HIVEP2: variants seen among roughly 807,000 people sequenced by gnomAD.
HIVEP2 encodes transcription factor HIVEP2.
HIVEP2 carries 14 observed loss-of-function variants against 180.7 expected under a neutral mutation model. The ratio of observed to expected loss-of-function variants is 0.08; its 90% CI spans 0.05 to 0.12. HIVEP2 has a LOEUF of 0.12. HIVEP2 is among the 10% of genes least tolerant of loss of function. The pLI, the probability that HIVEP2 is intolerant of heterozygous loss-of-function variation, is 1.00. For synonymous variants in HIVEP2, 1,184 were observed against 1,136.4 expected (o/e 1.04, Z -0.84); for missense variants, 2,579 against 3,008.5 (o/e 0.86, Z 3.34).
At chr6:142,863,722 C>T (rs1776063544) in intron 1 of HIVEP2, among the ~76,000 whole-genome samples, 1 of 152,170 alleles carries the variant, frequency 6.6e-6, no homozygotes, top group African/African-American at 2.4e-5. Flanking sequence ...ATTCATCTAA[C>T]TACGCTTTTG....
chr6:142,883,151 A>T (rs1237573104), intron 1 of HIVEP2, among the ~76,000 whole-genome samples: 1 of 152,052 alleles, frequency 6.6e-6, no homozygotes, highest in East Asian at 1.9e-4. Context: ...ACACCTTTGG[A>T]ATTTCACAGT....
chr6:142,855,338 A>G (rs574942641), intron 1 of HIVEP2, among the ~76,000 whole-genome samples: 250 of 152,362 alleles, frequency 1.6e-3, no homozygotes, highest in African/African-American at 5.8e-3. Context: ...GTGTGTGCAC[A>G]GCAGGGAAAG....
At chr6:142,886,749 C>G (rs1776707484) in intron 1 of HIVEP2, among the ~76,000 whole-genome samples, 1 of 152,172 alleles carries the variant, frequency 6.6e-6, no homozygotes. Flanking sequence ...ATCTTGCCCA[C>G]ACAAATGGCA....
chr6:142,759,653 C>T, intron 9 of HIVEP2, 119 bp downstream of exon 9: 1 of 790,748 alleles, frequency 1.3e-6, no homozygotes, highest in Non-Finnish European at 2.1e-6. Context: ...TTTTCATTAG[C>T]CAGATTCACT....
intron 1 of HIVEP2, among the ~76,000 whole-genome samples, chr6:142,917,563 CTAACT>C (rs1010125936): frequency 1.3e-5 from 2 of 152,232 alleles, no homozygotes; most frequent in African/African-American, 4.8e-5. Context: ...TTAGTATTTC[CTAACT>C]TATTTCATTA....
chr6:142,819,617 T>A (rs574320756), intron 2 of HIVEP2, among the ~76,000 whole-genome samples: 1 of 152,302 alleles, frequency 6.6e-6, no homozygotes, highest in Admixed American at 6.5e-5. Flanking sequence ...ATTCAGGATG[T>A]TAACAGTGAA....
intron 1 of HIVEP2, among the ~76,000 whole-genome samples, chr6:142,917,219 G>C (rs1386137333): frequency 1.3e-5 from 2 of 152,068 alleles, no homozygotes; most frequent in Non-Finnish European, 2.9e-5. Flanking sequence ...ATGTACTGTT[G>C]GTTTTATCAC....
intron 2 of HIVEP2, among the ~76,000 whole-genome samples, chr6:142,793,673 TTCTC>T (rs71546219): frequency 1.6e-4 from 17 of 107,504 alleles, no homozygotes; most frequent in South Asian, 6.0e-4. Flanking sequence ...CTTTCTTTCT[TTCTC>T]TCTCTCTCTC....
chr6:142,769,161 C>A (rs1389825210), intron 5 of HIVEP2, among the ~76,000 whole-genome samples: 1 of 152,184 alleles, frequency 6.6e-6, no homozygotes, highest in African/African-American at 2.4e-5. Context: ...CTTTCAGCCT[C>A]CATTCCCTGC....
At chr6:142,818,949 G>A (rs1554214069) in intron 2 of HIVEP2, among the ~76,000 whole-genome samples, 1 of 139,028 alleles carries the variant, frequency 7.2e-6, no homozygotes, top group Non-Finnish European at 1.5e-5. Context: ...ATCAGCCAGG[G>A]AAATATAGCA....
Position 142,779,992 on chromosome 6 carries a change from G to C in HIVEP2, c.-433+3529C>G, listed in dbSNP as rs554437366. Among the ~76,000 whole-genome samples the C allele has an allele frequency of 1.8e-4, 27 of 152,168 alleles. No individual in the cohort carries two copies. The South Asian group carries it at 3.5e-3, about 20-fold the overall frequency. Reference sequence around the variant, plus strand: ...ATTAAGTTAATTGTTTAATTTTTAGGAGAAGGAGGATAATCAGAAAAAAAG... The same window carrying C: ...ATTAAGTTAATTGTTTAATTTTTAGCAGAAGGAGGATAATCAGAAAAAAAG... On this transcript the variant is annotated intron_variant, in intron 3 of 9. Transcript: ENST00000367603.
chr6:142,752,922 G>C lies in HIVEP2; in HGVS notation c.*185C>G. The C allele has an allele frequency of 1.8e-6, 1 of 561,684 alleles. No individual in the cohort carries two copies. Among genetic ancestry groups the C allele is most frequent in the South Asian group, 2.5e-5 (1 of 39,836 alleles). The allele number at this position is 561,684 out of a possible 1,614,324, so 34.8% of individuals were successfully genotyped here. On this transcript the variant is annotated 3_prime_UTR_variant, in exon 10 of 10. Transcript: ENST00000367603. ...ACCCAATAGGTTAATTTCAAATTTT[G>C]TTTTGGTCAGGCTCATGATGACTTG...
chr6:142,777,521 G>A (rs1775730897), intron 3 of HIVEP2, among the ~76,000 whole-genome samples: 2 of 151,706 alleles, frequency 1.3e-5, no homozygotes, highest in South Asian at 4.2e-4. Context: ...GGTGGTGCAT[G>A]CCTGTAATCC....
intron 6 of HIVEP2, among the ~76,000 whole-genome samples, chr6:142,767,863 A>G (rs1775413458): frequency 1.3e-5 from 2 of 152,216 alleles, no homozygotes; most frequent in South Asian, 4.1e-4. Context: ...ACTGAGTGCA[A>G]TGTGGTACCC....
intron 2 of HIVEP2, among the ~76,000 whole-genome samples, chr6:142,796,527 T>C (rs1202133649): frequency 1.3e-5 from 2 of 152,134 alleles, no homozygotes; most frequent in East Asian, 1.9e-4. Flanking sequence ...CTGTACTGTA[T>C]TTATTGATCC....
Position 142,759,762 on chromosome 6 carries a change from T to C in HIVEP2, c.6516+10A>G. ...CTTATGTATTAGAAAGAAAAGTGGATTATACTTACAGGAGGCCCCAATACA... is the reference window on the plus strand; with the variant it reads ...CTTATGTATTAGAAAGAAAAGTGGACTATACTTACAGGAGGCCCCAATACA... On this transcript the variant is annotated intron_variant, in intron 9 of 9. Coordinates refer to ENST00000367603, the MANE Select transcript of HIVEP2 (RefSeq NM_006734.4). 10 of 1,581,054 alleles carry C rather than the reference T, an allele frequency of 6.3e-6. No homozygotes were observed. Among genetic ancestry groups the C allele is most frequent in the Non-Finnish European group, 8.6e-6 (10 of 1,167,040 alleles).
intron 1 of HIVEP2, among the ~76,000 whole-genome samples, chr6:142,844,259 A>G (rs1775449118): frequency 6.6e-6 from 1 of 152,182 alleles, no homozygotes; most frequent in African/African-American, 2.4e-5. Flanking sequence ...AGGATTCCAC[A>G]GGTCAATACA....
At chr6:142,780,921 T>C (rs1459129633) in intron 3 of HIVEP2, among the ~76,000 whole-genome samples, 1 of 152,250 alleles carries the variant, frequency 6.6e-6, no homozygotes, top group African/African-American at 2.4e-5. Flanking sequence ...TACATTTTAT[T>C]ACTAAAATGT....
At chr6:142,790,929 T>C (rs1395230068) in intron 2 of HIVEP2, among the ~76,000 whole-genome samples, 5 of 106,568 alleles carry the variant, frequency 4.7e-5, no homozygotes, top group Non-Finnish European at 7.0e-5. Flanking sequence ...AAAATTGTCT[T>C]CAGTCTCTCG....
Sources: allele counts gnomAD v4.1 joint callset (sites outside exome capture counted in the v4.1 genomes callset), GRCh38; gene constraint gnomAD v4.1.1; transcripts MANE v1.5; gene names NCBI Gene and HGNC (gene_info 2026-07-23, HGNC 2026-07-21).